The following WDR90 variants were observed in gnomAD, a reference collection of about 807,000 sequenced individuals.
The protein encoded by WDR90 is WD repeat domain 90.
A neutral mutation model predicts 195.2 loss-of-function variants in WDR90; 238 were observed. The ratio of observed to expected loss-of-function variants is 1.22; its 90% CI spans 1.10 to 1.36. The LOEUF (loss-of-function observed/expected upper bound fraction) is 1.36, where lower values mean the gene tolerates loss of function less well. WDR90 is among the 40% of genes most tolerant of loss of function. The pLI is 0.00. For synonymous variants in WDR90, 1,265 were observed against 1,052.4 expected (o/e 1.20, Z -3.91); for missense variants, 2,734 against 2,439.5 (o/e 1.12, Z -2.54).
chr16:654,075 G>A (rs2037697961), intron 13 of WDR90: 1 of 490,768 alleles, frequency 2.0e-6, no homozygotes, highest in East Asian at 3.3e-5. Context: ...CGTTCTCTCT[G>A]CTGGTGATGC....
Position 661,764 on chromosome 16 carries a change from C to A in WDR90, c.3841C>A (p.Arg1281Ser). 1 of 1,605,704 alleles carries A rather than the reference C, an allele frequency of 6.2e-7. No individual in the cohort carries two copies. Among genetic ancestry groups the A allele is most frequent in the South Asian group, 1.1e-5 (1 of 90,278 alleles). The part of the protein sequence containing the change: ...GTVTFWLLQQ[R>S]GADISLQVRR... ...TGTCACCTTCTGGCTCCTTCAGCAG[C>A]GTGGGGCAGACATCAGCCTTCAGGT... is the stretch of plus-strand genomic sequence containing the variant. Residue 1281 changes from arginine to serine, a missense_variant, in exon 31 of 41, where the codon CGT becomes AGT. Transcript: ENST00000293879.
Position 652,059 on chromosome 16 carries a change from C to G in WDR90, c.1053+20C>G. On this transcript the variant is annotated intron_variant, in intron 9 of 40. Transcript: ENST00000293879. Reference sequence around the variant, plus strand: ...TGCGAAGTGAGTGCCCATCCCACAGCAGGCGGGGCCTGGTGAGGTGTGGGC... The same window carrying G: ...TGCGAAGTGAGTGCCCATCCCACAGGAGGCGGGGCCTGGTGAGGTGTGGGC... 2 of 1,569,652 alleles carry G rather than the reference C, an allele frequency of 1.3e-6. No homozygotes were observed. Among genetic ancestry groups the G allele is most frequent in the Non-Finnish European group, 8.6e-7 (1 of 1,160,968 alleles).
chr16:658,435 G>T lies in WDR90; in HGVS notation c.2767-90G>T, dbSNP rs571012853. The T allele has an allele frequency of 7.0e-6, 11 of 1,576,246 alleles. No individual in the cohort carries two copies. The Admixed American group carries it at 8.6e-5, about 12-fold the overall frequency. ...CCTGCAGCCTCTCCAGCTGGGTGGG[G>T]GGCCGTCGCCACACCCACAACGAAG... On this transcript the variant is annotated intron_variant, in intron 22 of 40. Coordinates refer to ENST00000293879, the MANE Select transcript of WDR90 (RefSeq NM_145294.5).
In WDR90 at chr16:660,708, G is replaced by A; in HGVS notation, c.3385G>A (p.Asp1129Asn). ...GCGGGCCAACATGGTCTGGAGGCCG[G>A]ACACAGGTGGGGGCCAAGAGCCTAC... ...NGRANMVWRP[D>N]TGFFAYTCGR... is the part of the protein sequence containing the mutation. Residue 1129 changes from aspartate (D) to asparagine (N), a missense_variant, in exon 28 of 41, where the codon GAC becomes AAC. Transcript: ENST00000293879. The A allele has an allele frequency of 1.3e-6, 2 of 1,564,456 alleles. No homozygotes were observed. The highest frequency in any genetic ancestry group is 2.3e-5 in the South Asian group (2 of 85,392).
At chr16:650,778 C>T (rs978431282) in intron 5 of WDR90, 69 bp downstream of exon 5, 2 of 1,566,468 alleles carry the variant, frequency 1.3e-6, no homozygotes, top group Non-Finnish European at 8.7e-7. Context: ...AGGCCCAAGT[C>T]CAGGGTGCTT....
chr16:655,332 G>A lies in WDR90; in HGVS notation c.1582G>A (p.Val528Met). 1 of 1,604,198 alleles carries A rather than the reference G, an allele frequency of 6.2e-7. No individual in the cohort carries two copies. Among genetic ancestry groups the A allele is most frequent in the Non-Finnish European group, 8.5e-7 (1 of 1,179,498 alleles). Residue 528 changes from valine to methionine, a missense_variant, in exon 15 of 41, where the codon GTG (valine) becomes ATG (methionine). Val to Met is a conservative substitution (Grantham distance 21). Transcript: ENST00000293879. ...TRMASCGQGS[V>M]RLWRLRGGVL... ...GATGGCGTCGTGCGGGCAGGGCAGT[G>A]TGCGGCTCTGGCGGCTGCGTGGCGG...
intron 34 of WDR90, 57 bp from the exon 35 acceptor site, chr16:665,622 C>A (rs141255193): frequency 3.1e-6 from 5 of 1,610,656 alleles, no homozygotes; most frequent in Admixed American, 1.7e-5. Flanking sequence ...GAAATGCCTG[C>A]GTCCCTTTAC....
At chr16:663,461 C>T in intron 34 of WDR90, 1 of 230,184 alleles carries the variant, frequency 4.3e-6, no homozygotes, top group South Asian at 5.0e-5. Context: ...TGAAAAACCC[C>T]ACATCGTCTG....
In WDR90 at chr16:667,820, C is replaced by A; in HGVS notation, c.*231C>A. The A allele has an allele frequency of 3.0e-6, 2 of 660,794 alleles. No homozygotes were observed. The highest frequency in any genetic ancestry group is 5.4e-6 in the Non-Finnish European group (2 of 369,100). 40.9% of individuals were successfully genotyped at this position (660,794 alleles called of 1,614,324 possible). On this transcript the variant is annotated 3_prime_UTR_variant, in exon 41 of 41. Coordinates refer to ENST00000293879, the MANE Select transcript of WDR90 (RefSeq NM_145294.5). ...GTTTCTATCTTGTAATAAACATGGG[C>A]ATTTATTGCATTATTGCTGCATTGT...
chr16:658,506 C>T lies in WDR90; in HGVS notation c.2767-19C>T. 3 of 1,598,884 alleles carry T rather than the reference C, an allele frequency of 1.9e-6. No homozygotes were observed. Among genetic ancestry groups the T allele is most frequent in the Non-Finnish European group, 2.6e-6 (3 of 1,169,318 alleles). On this transcript the variant is annotated intron_variant, in intron 22 of 40. Transcript: ENST00000293879. ...CACTCTCCTGAGACACGGCATTTCC[C>T]AAGAGCACTGTGTTCCAGCTGCCCG...
rs1197297864 is a variant in WDR90, at chr16:656,428, C to G, written c.2093C>G (p.Ser698Cys). 1 of 1,602,734 alleles carries G rather than the reference C, an allele frequency of 6.2e-7. No individual in the cohort carries two copies. Among genetic ancestry groups the G allele is most frequent in the Non-Finnish European group, 8.5e-7 (1 of 1,177,418 alleles). ...LSRVYHMLAR[S>C]HTAPVLALAM... is the part of the protein sequence containing the mutation. ...CGGGTGTACCACATGCTGGCTCGCTCCCACACCGCCCCGGTGTTGGCCCTC... is the reference window on the plus strand; with the variant it reads ...CGGGTGTACCACATGCTGGCTCGCTGCCACACCGCCCCGGTGTTGGCCCTC... The change falls in exon 18 of 41, where the codon TCC (serine) becomes TGC (cysteine). Residue 698 changes from serine (S) to cysteine (C), a missense_variant. Ser to Cys is a moderately radical substitution (Grantham distance 112). Coordinates refer to ENST00000293879, the MANE Select transcript of WDR90 (RefSeq NM_145294.5).
chr16:657,956 G>A (rs2037797151), intron 21 of WDR90, 64 bp downstream of exon 21: 2 of 1,489,824 alleles, frequency 1.3e-6, no homozygotes, highest in Admixed American at 2.4e-5. Flanking sequence ...GCAGGGGCAG[G>A]AGGGAGGTCA....
intron 13 of WDR90, chr16:654,170 G>A (rs2037699563): frequency 3.2e-6 from 1 of 308,068 alleles, no homozygotes; most frequent in East Asian, 5.9e-5. Flanking sequence ...CGAAGCACCC[G>A]GCATCTTGGT....
Position 656,721 on chromosome 16 carries a change from CT to C in WDR90, c.2203-10del. On this transcript the variant is annotated splice_polypyrimidine_tract_variant and intron_variant, in intron 18 of 40. Transcript: ENST00000293879. ...CCCTGCCCTCCCCTCAGCACGGCCC[CT>C]GTCCCACAGCTATACGACTTCACAT... 3 of 1,609,852 alleles carry C rather than the reference CT, an allele frequency of 1.9e-6. No individual in the cohort carries two copies. The highest frequency in any genetic ancestry group is 2.5e-6 in the Non-Finnish European group (3 of 1,177,922).
intron 17 of WDR90, 142 bp from the exon 18 acceptor site, chr16:656,160 G>A (rs1294977673): frequency 4.7e-6 from 4 of 851,714 alleles, no homozygotes; most frequent in East Asian, 2.7e-5. Context: ...TGGCCTCGAG[G>A]GAGCTGCATC....
At chr16:657,673 T>TG in intron 20 of WDR90, 89 bp from the exon 21 acceptor site, 6 of 1,422,330 alleles carry the variant, frequency 4.2e-6, no homozygotes, top group Non-Finnish European at 5.5e-6. Flanking sequence ...TTCCCGAAAG[T>TG]GGGGGCAGGG....
At chr16:656,590 G>A in intron 18 of WDR90, 53 bp downstream of exon 18, 2 of 1,574,082 alleles carry the variant, frequency 1.3e-6, no homozygotes, top group Non-Finnish European at 1.7e-6. Flanking sequence ...TCCTGAAGCT[G>A]GGGTTTGTCA....
Position 665,948 on chromosome 16 carries a change from A to C in WDR90, c.4435-2A>C. On this transcript the variant is annotated splice_acceptor_variant, in intron 35 of 40. Coordinates refer to ENST00000293879, the MANE Select transcript of WDR90 (RefSeq NM_145294.5). LOFTEE classifies it high-confidence loss of function. ...TGAAGTTTCCCCACTGTGGGTCCCC[A>C]GAGCTGCCTCTGCCTGGCATGGAGC... 2 of 1,582,468 alleles carry C rather than the reference A, an allele frequency of 1.3e-6. No individual in the cohort carries two copies. Among genetic ancestry groups the C allele is most frequent in the East Asian group, 2.2e-5 (1 of 44,512 alleles).
chr16:666,765 G>A lies in WDR90; in HGVS notation c.4977G>A (p.Val1659=), dbSNP rs761666287. ...TGGGCCCCGGTGTTTACAAGGAGGT[G>A]ATCATCTACAACCTCTGCCAGAAGC... ...MYVGPGVYKE[V]IIYNLCQKQV... Residue 1659 remains valine (V), a synonymous_variant, in exon 39 of 41, where the codon GTG becomes GTA. Transcript: ENST00000293879. 4 of 1,612,862 alleles carry A rather than the reference G, an allele frequency of 2.5e-6. No individual in the cohort carries two copies. In the Admixed American group the frequency reaches 5.0e-5, roughly 20 times the overall value.
Sources: allele counts gnomAD v4.1 joint callset, GRCh38; gene constraint gnomAD v4.1.1; transcripts MANE v1.5; gene names NCBI Gene and HGNC (gene_info 2026-07-23, HGNC 2026-07-21).